Variants in NR2F1-AS1 observed in about 807,000 individuals in gnomAD.
NR2F1-AS1 encodes the protein NR2F1 regulatory antisense RNA 1.
At chr5:93,443,886 G>T (rs1749630787) in intron 4 of NR2F1-AS1, among the ~76,000 whole-genome samples, 2 of 152,128 alleles carry the variant, frequency 1.3e-5, no homozygotes, top group Non-Finnish European at 1.5e-5. Flanking sequence ...AGAGAGTGGG[G>T]GCCAATATTC....
At chr5:93,532,537 A>G (rs1233834264) in intron 4 of NR2F1-AS1, among the ~76,000 whole-genome samples, 1 of 152,210 alleles carries the variant, frequency 6.6e-6, no homozygotes, top group Non-Finnish European at 1.5e-5. Flanking sequence ...AGGCTTCACA[A>G]AAGAACAGGC....
At chr5:93,532,409 GAGAA>G (rs1214935080) in intron 4 of NR2F1-AS1, among the ~76,000 whole-genome samples, 2 of 152,048 alleles carry the variant, frequency 1.3e-5, no homozygotes, top group Admixed American at 1.3e-4. Flanking sequence ...GAGAGAGAGA[GAGAA>G]AGAGAGGGAG....
intron 4 of NR2F1-AS1, among the ~76,000 whole-genome samples, chr5:93,471,818 T>C (rs981068280): frequency 1.3e-5 from 2 of 151,900 alleles, no homozygotes; most frequent in Non-Finnish European, 3.0e-5. Flanking sequence ...GTTCCCCGGT[T>C]AATAATTATC....
chr5:93,489,260 T>G (rs1288272018), intron 4 of NR2F1-AS1, among the ~76,000 whole-genome samples: 1 of 151,028 alleles, frequency 6.6e-6, no homozygotes, highest in Non-Finnish European at 1.5e-5. Flanking sequence ...AAAAAGAAAT[T>G]ACCACAGCCA....
intron 4 of NR2F1-AS1, among the ~76,000 whole-genome samples, chr5:93,546,001 A>T (rs1752076212): frequency 1.3e-5 from 2 of 152,162 alleles, no homozygotes; most frequent in South Asian, 4.1e-4. Flanking sequence ...GATAGGAAAA[A>T]ATCATGGTCT....
chr5:93,411,866 T>C (rs187816939), intron 4 of NR2F1-AS1, among the ~76,000 whole-genome samples: 228 of 152,256 alleles, frequency 1.5e-3, no homozygotes, highest in Middle Eastern at 0.01. Flanking sequence ...CCTTTGTGAA[T>C]AGTAAAGTCC....
chr5:93,507,121 C>G (rs936686334), intron 4 of NR2F1-AS1, among the ~76,000 whole-genome samples: 3 of 151,924 alleles, frequency 2.0e-5, no homozygotes, highest in Non-Finnish European at 4.4e-5. Flanking sequence ...TTTCAAAAGA[C>G]ACAGGAAAAA....
At chr5:93,497,592 T>A (rs1374067036) in intron 4 of NR2F1-AS1, among the ~76,000 whole-genome samples, 1 of 152,222 alleles carries the variant, frequency 6.6e-6, no homozygotes, top group East Asian at 1.9e-4. Flanking sequence ...CGTTGAACCC[T>A]GTTTTTTCTT....
chr5:93,545,158 G>A (rs79407489), intron 4 of NR2F1-AS1, among the ~76,000 whole-genome samples: 1 of 152,112 alleles, frequency 6.6e-6, no homozygotes, highest in Non-Finnish European at 1.5e-5. Flanking sequence ...GTTAAGATGG[G>A]TTACACCGTT....
chr5:93,511,065 G>C (rs1027679189), intron 4 of NR2F1-AS1, among the ~76,000 whole-genome samples: 1 of 152,066 alleles, frequency 6.6e-6, no homozygotes, highest in African/African-American at 2.4e-5. Context: ...AAATTCATGT[G>C]ATGCTTAATT....
intron 4 of NR2F1-AS1, among the ~76,000 whole-genome samples, chr5:93,451,551 TACC>T (rs1188972181): frequency 6.6e-6 from 1 of 151,962 alleles, no homozygotes; most frequent in Non-Finnish European, 1.5e-5. Context: ...CACAAGCATG[TACC>T]ACCACGCCTG....
At chr5:93,525,496 T>G (rs1012409000) in intron 4 of NR2F1-AS1, among the ~76,000 whole-genome samples, 2 of 152,134 alleles carry the variant, frequency 1.3e-5, no homozygotes, top group East Asian at 3.9e-4. Flanking sequence ...AACTCAGCTC[T>G]GGATAAGTGG....
chr5:93,581,027 A>T (rs1292723799), upstream of NR2F1-AS1: 1 of 152,222 alleles, frequency 6.6e-6, no homozygotes, highest in Admixed American at 6.5e-5. Context: ...CCGACTCCCG[A>T]CTTGTAGGCT....
intron 4 of NR2F1-AS1, among the ~76,000 whole-genome samples, chr5:93,457,348 G>A (rs1199893493): frequency 6.6e-6 from 1 of 152,160 alleles, no homozygotes; most frequent in Non-Finnish European, 1.5e-5. Context: ...CAAGCATGCT[G>A]CCTTCAAGCA....
At chr5:93,552,302 C>G (rs1752249378) in intron 4 of NR2F1-AS1, among the ~76,000 whole-genome samples, 1 of 152,034 alleles carries the variant, frequency 6.6e-6, no homozygotes, top group Non-Finnish European at 1.5e-5. Flanking sequence ...AAGTTGGTAC[C>G]TATCAGGGAG....
At chr5:93,467,876 C>T (rs1243129059) in intron 4 of NR2F1-AS1, among the ~76,000 whole-genome samples, 1 of 152,190 alleles carries the variant, frequency 6.6e-6, no homozygotes, top group Non-Finnish European at 1.5e-5. Context: ...TCTTATTGTT[C>T]AACTCCCACC....
chr5:93,578,338 G>A (rs1752942381), intron 1 of NR2F1-AS1, among the ~76,000 whole-genome samples: 1 of 152,128 alleles, frequency 6.6e-6, no homozygotes, highest in Non-Finnish European at 1.5e-5. Context: ...CCCGCAAGGG[G>A]TACTATAGGC....
At chr5:93,522,682 C>G (rs1751526811) in intron 4 of NR2F1-AS1, among the ~76,000 whole-genome samples, 1 of 151,648 alleles carries the variant, frequency 6.6e-6, no homozygotes, top group South Asian at 2.1e-4. Context: ...ACAGTGGGTG[C>G]AGCCCACAGA....
chr5:93,476,201 ATAAATTTTGTAGTCTCTT>A (rs1236029817), intron 4 of NR2F1-AS1, among the ~76,000 whole-genome samples: 1 of 152,202 alleles, frequency 6.6e-6, no homozygotes, highest in African/African-American at 2.4e-5. Flanking sequence ...CATGCATGTC[ATAAATTTTGTAGTCTCTT>A]TAAAGTAGGA....
Sources: allele counts gnomAD v4.1 joint callset (sites outside exome capture counted in the v4.1 genomes callset), GRCh38; gene constraint gnomAD v4.1.1; transcripts MANE v1.5; gene names NCBI Gene and HGNC (gene_info 2026-07-23, HGNC 2026-07-21).